Variants in MEX3D observed in about 807,000 individuals in gnomAD.
MEX3D encodes mex-3 RNA binding family member D.
MEX3D carries 4 observed loss-of-function variants against 6.3 expected under a neutral mutation model. The ratio of observed to expected loss-of-function variants is 0.64; its 90% CI spans 0.31 to 1.46. MEX3D has a LOEUF of 1.46. Ranked by LOEUF, MEX3D falls within the 40% of genes most tolerant of loss-of-function variation. The pLI is 0.07. For synonymous variants in MEX3D, 626 were observed against 494.1 expected (o/e 1.27, Z -3.54); for missense variants, 1,038 against 994.4 (o/e 1.04, Z -0.59).
chr19:1,568,019 C>G lies in MEX3D; in HGVS notation c.40G>C (p.Gly14Arg). The G allele has an allele frequency of 1.0e-6, 1 of 978,908 alleles. No homozygotes were observed. The highest frequency in any genetic ancestry group is 1.2e-6 in the Non-Finnish European group (1 of 827,856). The allele number at this position is 978,908 out of a possible 1,614,324, so 60.6% of individuals were successfully genotyped here. A position where few individuals can be genotyped will look rare whatever the true frequency, so the allele number is the denominator to read the frequency against. The change falls in exon 1 of 2, where the codon GGG becomes CGG. Residue 14 changes from glycine (G) to arginine (R), a missense_variant. Gly to Arg is a moderately radical substitution (Grantham distance 125). Coordinates refer to ENST00000402693, the MANE Select transcript of MEX3D (RefSeq NM_203304.4). ...SLGQPDGGGG[G>R]GGGGGGVGAA... Reference sequence around the variant, plus strand: ...CCCACGCCGCCGCCGCCGCCGCCCCCGCCCCCGCCGCCGTCGGGCTGGCCG... The same window carrying G: ...CCCACGCCGCCGCCGCCGCCGCCCCGGCCCCCGCCGCCGTCGGGCTGGCCG...
At chr19:1,562,313 T>A (rs1474543774) in intron 1 of MEX3D, among the ~76,000 whole-genome samples, 1 of 137,956 alleles carries the variant, frequency 7.2e-6, no homozygotes, top group East Asian at 2.1e-4. Flanking sequence ...GATCACGAGG[T>A]CAGGAGTTCG....
chr19:1,558,852 C>T (rs1914648190), intron 1 of MEX3D, among the ~76,000 whole-genome samples: 1 of 152,162 alleles, frequency 6.6e-6, no homozygotes, highest in Admixed American at 6.6e-5. Context: ...GGGGGTCTGA[C>T]CTGGTGAGGG....
chr19:1,555,879 T>C lies in MEX3D; in HGVS notation c.1640A>G (p.Gln547Arg), dbSNP rs1302229388. 4 of 1,295,488 alleles carry C rather than the reference T, an allele frequency of 3.1e-6. No individual in the cohort carries two copies. Among genetic ancestry groups the C allele is most frequent in the East Asian group, 3.5e-5 (1 of 28,406 alleles). The allele number at this position is 1,295,488 out of a possible 1,614,324, so 80.2% of individuals were successfully genotyped here. The part of the protein sequence containing the change: ...PVGALSWRPP[Q>R]GPVSFPGGAA... ...GCCGCCTGGGAAGGATACGGGGCCC[T>C]GCGGGGGTCGCCAGGACAGCGCGCC... is the stretch of plus-strand genomic sequence containing the variant. Residue 547 changes from glutamine to arginine, a missense_variant, in exon 2 of 2, where the codon CAG becomes CGG. Physicochemically the swap from Gln to Arg is conservative, Grantham distance 43. This residue lies in a region of MEX3D where 581 missense variants were observed against 516.2 expected (regional missense o/e 1.13). Transcript: ENST00000402693.
In MEX3D at chr19:1,568,192, G is replaced by A. The variant is rs1476029110; in HGVS notation, c.-134C>T. 1 of 653,884 alleles carries A rather than the reference G, an allele frequency of 1.5e-6. No individual in the cohort carries two copies. The highest frequency in any genetic ancestry group is 1.9e-6 in the Non-Finnish European group (1 of 533,492). 40.5% of individuals were successfully genotyped at this position (653,884 alleles called of 1,614,324 possible). Reference sequence around the variant, plus strand: ...CGGGGGCGGGCACGGGGGGCCGGGCGGGCGGGGCGGCGGCGGCGCGGGGCT... The same window carrying A: ...CGGGGGCGGGCACGGGGGGCCGGGCAGGCGGGGCGGCGGCGGCGCGGGGCT... On this transcript the variant is annotated 5_prime_UTR_variant, in exon 1 of 2. Transcript: ENST00000402693.
rs114451952 is a variant in MEX3D, at chr19:1,555,623, G to C, written c.1896C>G (p.Ser632Arg). 113 of 1,590,720 alleles carry C rather than the reference G, an allele frequency of 7.1e-5. No individual in the cohort carries two copies. The highest frequency in any genetic ancestry group is 9.6e-5 in the Non-Finnish European group (113 of 1,171,080). The change falls in exon 2 of 2, where the codon AGC becomes AGG. Residue 632 changes from serine to arginine, a missense_variant. Transcript: ENST00000402693. ...MDCAVRICGKSEPECPACRTP... is the reference protein window; with the variant it reads ...MDCAVRICGKREPECPACRTP... ...TGCGGCAGGCGGGACACTCGGGCTC[G>C]CTCTTGCCGCAGATGCGGACGGCGC...
Position 1,556,484 on chromosome 19 carries a change from G to T in MEX3D, c.1035C>A (p.Phe345Leu). 1 of 1,603,186 alleles carries T rather than the reference G, an allele frequency of 6.2e-7. No homozygotes were observed. The change falls in exon 2 of 2, where the codon TTC becomes TTA. Residue 345 changes from phenylalanine (F) to leucine (L), a missense_variant. By Grantham distance (22) the Phe-to-Leu change is conservative. Around this residue, in one of 5 missense-constraint regions of MEX3D, gnomAD observed 581 missense variants for 516.2 expected, o/e 1.13. Coordinates refer to ENST00000402693, the MANE Select transcript of MEX3D (RefSeq NM_203304.4). This position sits in a 1 kb window ranked among gnomAD's most constrained non-coding sequence, Gnocchi z 7.5. ...AGTCGCTGTCGGGGCCCGCGTCGGT[G>T]AAGGCGCCAGTGCGCAGCGTGATGT... ...EAHITLRTGA[F>L]TDAGPDSDFH...
At position 1,556,109 on chromosome 19, in the gene MEX3D, G is replaced by T; in HGVS notation, c.1410C>A (p.Ala470=). The change falls in exon 2 of 2, where the codon GCC becomes GCA. Residue 470 remains alanine (A), a synonymous_variant. Coordinates refer to ENST00000402693, the MANE Select transcript of MEX3D (RefSeq NM_203304.4). This position sits in a 1 kb window ranked among gnomAD's most constrained non-coding sequence, Gnocchi z 7.5. The part of the protein sequence containing the change: ...LALDLTVPAA[A]TIWAPFERAA... The stretch of plus-strand genomic sequence containing the variant: ...CGCGCTCAAAAGGCGCCCAGATGGT[G>T]GCCGCGGCGGGCACGGTCAGGTCCA... 1 of 1,452,546 alleles carries T rather than the reference G, an allele frequency of 6.9e-7. No individual in the cohort carries two copies. 90.0% of individuals were successfully genotyped at this position (1,452,546 alleles called of 1,614,324 possible).
chr19:1,567,758 G>T lies in MEX3D; in HGVS notation c.301C>A (p.Pro101Thr). ...GCCTCAGGTCCGTCGGGGGGCACAGGCTCCGGAGCCGCCCCGCCGTCCGCG... is the reference window on the plus strand; with the variant it reads ...GCCTCAGGTCCGTCGGGGGGCACAGTCTCCGGAGCCGCCCCGCCGTCCGCG... ...GGADGGAAPE[P>T]VPPDGPEAGA... is the part of the protein sequence containing the mutation. Residue 101 changes from proline (P) to threonine (T), a missense_variant, in exon 1 of 2, where the codon CCT becomes ACT. Transcript: ENST00000402693. This position sits in a 1 kb window ranked among gnomAD's most constrained non-coding sequence, Gnocchi z 6.5. 1.0e-6 allele frequency: 1 copy of T among 960,694 alleles called. No individual in the cohort carries two copies. Among genetic ancestry groups the T allele is most frequent in the Non-Finnish European group, 1.2e-6 (1 of 804,170 alleles). The allele number at this position is 960,694 out of a possible 1,614,324, so 59.5% of individuals were successfully genotyped here.
chr19:1,556,063 T>C lies in MEX3D; in HGVS notation c.1456A>G (p.Ser486Gly). The C allele has an allele frequency of 5.0e-6, 7 of 1,391,318 alleles. No individual in the cohort carries two copies. Among genetic ancestry groups the C allele is most frequent in the Non-Finnish European group, 6.5e-6 (7 of 1,070,668 alleles). The allele number at this position is 1,391,318 out of a possible 1,614,324, so 86.2% of individuals were successfully genotyped here. The stretch of plus-strand genomic sequence containing the variant: ...GCTCCGTTGACCGTGGAGCAGCCGC[T>C]GAAGGCGGGCAAGGGGGCGGCGCGC... ...FERAAPLPAF[S>G]GCSTVNGAPG... is the part of the protein sequence containing the mutation. The change falls in exon 2 of 2, where the codon AGC (serine) becomes GGC (glycine). Residue 486 changes from serine to glycine, a missense_variant. By Grantham distance (56) the Ser-to-Gly change is moderately conservative. This residue lies in a region of MEX3D where 581 missense variants were observed against 516.2 expected (regional missense o/e 1.13). Coordinates refer to ENST00000402693, the MANE Select transcript of MEX3D (RefSeq NM_203304.4). This position sits in a 1 kb window ranked among gnomAD's most constrained non-coding sequence, Gnocchi z 7.5.
In MEX3D at chr19:1,568,169, GGGGCGGGCACGGGGGGCC is replaced by G; in HGVS notation, c.-129_-112del. ...CGCCGGCCGCCTGCATCCAGCGGCG[GGGGCGGGCACGGGGGGCC>G]GGGCGGGCGGGGCGGCGGCGGCGCG... On this transcript the variant is annotated 5_prime_UTR_variant, in exon 1 of 2. Coordinates refer to ENST00000402693, the MANE Select transcript of MEX3D (RefSeq NM_203304.4). 2 of 947,236 alleles carry G rather than the reference GGGGCGGGCACGGGGGGCC, an allele frequency of 2.1e-6. No homozygotes were observed. Among genetic ancestry groups the G allele is most frequent in the Non-Finnish European group, 2.5e-6 (2 of 799,564 alleles). 58.7% of individuals were successfully genotyped at this position (947,236 alleles called of 1,614,324 possible).
rs150361143 is a variant in MEX3D, at chr19:1,556,732, C to A, written c.787G>T (p.Ala263Ser). The A allele has an allele frequency of 1.5e-4, 234 of 1,611,460 alleles. 2 individuals are homozygous for A. Among genetic ancestry groups the A allele is most frequent in the Non-Finnish European group, 1.8e-4 (214 of 1,179,334 alleles). ...TRSKAGGLPG[A>S]AQGPPNLPGQ... ...GGAAGGTTGGGCGGGCCCTGGGCGG[C>A]GCCGGGCAGACCCCCGGCCTTGCTG... The change falls in exon 2 of 2, where the codon GCC becomes TCC. Residue 263 changes from alanine to serine, a missense_variant. Physicochemically the swap from Ala to Ser is moderately conservative, Grantham distance 99. Around this residue, in one of 5 missense-constraint regions of MEX3D, gnomAD observed 52 missense variants for 37.4 expected, o/e 1.39. Coordinates refer to ENST00000402693, the MANE Select transcript of MEX3D (RefSeq NM_203304.4). The surrounding 1 kb of genome is among the most constrained non-coding windows in gnomAD (Gnocchi z 7.5).
intron 1 of MEX3D, among the ~76,000 whole-genome samples, chr19:1,558,068 A>C (rs1010843025): frequency 8.0e-5 from 11 of 137,514 alleles, no homozygotes; most frequent in African/African-American, 2.8e-4. Context: ...AAAAAAAAAA[A>C]GAGCCACAGT....
chr19:1,556,085 G>A lies in MEX3D; in HGVS notation c.1434C>T (p.Arg478=), dbSNP rs1409691176. 1.4e-6 allele frequency: 2 copies of A among 1,433,806 alleles called. No homozygotes were observed. Among genetic ancestry groups the A allele is most frequent in the Middle Eastern group, 2.2e-4 (1 of 4,518 alleles). 88.8% of individuals were successfully genotyped at this position (1,433,806 alleles called of 1,614,324 possible). ...CGCTGAAGGCGGGCAAGGGGGCGGC[G>A]CGCTCAAAAGGCGCCCAGATGGTGG... The part of the protein sequence containing the change: ...AAATIWAPFE[R]AAPLPAFSGC... Residue 478 remains arginine, a synonymous_variant, in exon 2 of 2, where the codon CGC becomes CGT. Transcript: ENST00000402693. This position sits in a 1 kb window ranked among gnomAD's most constrained non-coding sequence, Gnocchi z 7.5.
At chr19:1,560,753 C>T (rs1490356670) in intron 1 of MEX3D, among the ~76,000 whole-genome samples, 1 of 152,176 alleles carries the variant, frequency 6.6e-6, no homozygotes, top group Non-Finnish European at 1.5e-5. Flanking sequence ...GGAGACCTCA[C>T]AGCTAGAAGG....
At chr19:1,559,887 G>A (rs1914676160) in intron 1 of MEX3D, among the ~76,000 whole-genome samples, 1 of 152,088 alleles carries the variant, frequency 6.6e-6, no homozygotes, top group African/African-American at 2.4e-5. Context: ...CAGCTGCACT[G>A]CCACCACACC....
Position 1,556,322 on chromosome 19 carries a change from G to A in MEX3D, c.1197C>T (p.Pro399=). The A allele has an allele frequency of 7.5e-7, 1 of 1,333,628 alleles. No homozygotes were observed. The highest frequency in any genetic ancestry group is 9.5e-7 in the Non-Finnish European group (1 of 1,047,830). The allele number at this position is 1,333,628 out of a possible 1,614,324, so 82.6% of individuals were successfully genotyped here. A position where few individuals can be genotyped will look rare whatever the true frequency, so the allele number is the denominator to read the frequency against. The change falls in exon 2 of 2, where the codon CCC becomes CCT. Residue 399 remains proline (P), a synonymous_variant. Coordinates refer to ENST00000402693, the MANE Select transcript of MEX3D (RefSeq NM_203304.4). This position sits in a 1 kb window ranked among gnomAD's most constrained non-coding sequence, Gnocchi z 7.5. ...CCGCGTAGAAGGCCTCGGGGGCGCT[G>A]GGGGCGCCCAGGGCCGTGTCCCCGC... ...GLRGDTALGA[P]SAPEAFYAGS...
At position 1,556,141 on chromosome 19, in the gene MEX3D, GGAAGTC is replaced by G. The variant is rs751113265; in HGVS notation, c.1372_1377del (p.Asp458_Phe459del). On this transcript the variant is annotated inframe_deletion, in exon 2 of 2. Transcript: ENST00000402693. This position sits in a 1 kb window ranked among gnomAD's most constrained non-coding sequence, Gnocchi z 7.5. ...GCGGGCACGGTCAGGTCCAGCGCCAGGAAGTCGAAGTCGAAGCCGAAGTCGCAGTCG... is the reference window on the plus strand; with the variant it reads ...GCGGGCACGGTCAGGTCCAGCGCCAGGAAGTCGAAGCCGAAGTCGCAGTCG... 2.4e-5 allele frequency: 35 copies of G among 1,475,120 alleles called. No individual in the cohort carries two copies. The highest frequency in any genetic ancestry group is 1.1e-4 in the South Asian group (9 of 81,800). The allele number at this position is 1,475,120 out of a possible 1,614,324, so 91.4% of individuals were successfully genotyped here.
At chr19:1,563,429 T>C (rs916901298) in intron 1 of MEX3D, among the ~76,000 whole-genome samples, 1 of 152,152 alleles carries the variant, frequency 6.6e-6, no homozygotes, top group Non-Finnish European at 1.5e-5. Context: ...CATTCATTCA[T>C]TCATTAGCCA....
intron 1 of MEX3D, among the ~76,000 whole-genome samples, chr19:1,558,812 T>C (rs982065051): frequency 6.6e-6 from 1 of 152,188 alleles, no homozygotes; most frequent in Admixed American, 6.5e-5. Context: ...CTGAGGGGCC[T>C]GCTGTGGCTT....
Sources: gnomAD v4.1 joint callset for allele counts (sites outside exome capture counted in the v4.1 genomes callset) on GRCh38, gnomAD v4.1.1 for gene constraint, gnomAD v4.1.1 regional missense constraint, Gnocchi (gnomAD v3.1) non-coding constraint, MANE v1.5 for transcripts, NCBI Gene and HGNC (gene_info 2026-07-23, HGNC 2026-07-21) for gene names.